NCALD: variants seen among roughly 807,000 people sequenced by gnomAD.
NCALD encodes neurocalcin delta.
NCALD carries 10 observed loss-of-function variants against 18.6 expected under a neutral mutation model. The observed-to-expected ratio is 0.54, with a 90% CI of 0.33 to 0.91. The LOEUF is 0.91. NCALD is among the 40% of genes least tolerant of loss of function. The pLI, the probability that NCALD is intolerant of heterozygous loss-of-function variation, is 0.03. For synonymous variants in NCALD, 88 were observed against 87.4 expected (o/e 1.01, Z -0.04); for missense variants, 184 against 247.6 (o/e 0.74, Z 1.72).
intron 1 of NCALD, among the ~76,000 whole-genome samples, chr8:102,047,451 G>A (rs778572115): frequency 6.6e-6 from 1 of 152,188 alleles, no homozygotes; most frequent in Non-Finnish European, 1.5e-5. Context: ...TTCACCGCCT[G>A]GTATGGTAGC....
chr8:101,700,028 T>TTTTTTTTA (rs560790827), intron 2 of NCALD, among the ~76,000 whole-genome samples: 2 of 149,872 alleles, frequency 1.3e-5, no homozygotes, highest in East Asian at 4.0e-4. Flanking sequence ...TGCTCTCTAT[T>TTTTTTTTA]TTTATTTATT....
intron 4 of NCALD, among the ~76,000 whole-genome samples, chr8:101,841,617 T>C (rs1396949289): frequency 6.6e-6 from 1 of 152,202 alleles, no homozygotes; most frequent in Non-Finnish European, 1.5e-5. Context: ...CTGATAACCA[T>C]TGTTCTTACA....
chr8:101,822,728 A>G (rs527808683), intron 4 of NCALD, among the ~76,000 whole-genome samples: 2 of 152,298 alleles, frequency 1.3e-5, no homozygotes, highest in African/African-American at 4.8e-5. Flanking sequence ...CAGAAACAGG[A>G]GGTTCCAAAA....
chr8:101,823,660 G>T (rs1813812856), intron 4 of NCALD, among the ~76,000 whole-genome samples: 1 of 152,056 alleles, frequency 6.6e-6, no homozygotes, highest in Admixed American at 6.6e-5. Flanking sequence ...CAGGTCTGAT[G>T]AGCTCTCAAA....
Position 102,020,574 on chromosome 8 carries a change from G to A in NCALD, c.-209-285C>T, listed in dbSNP as rs188837187. On this transcript the variant is annotated intron_variant, in intron 1 of 6. Coordinates refer to the NCALD transcript ENST00000311028. Reference sequence around the variant, plus strand: ...TCCCTTGTATCATTTGCTATTGTCCGCTTATCCCACTTCAATCCCACTAAT... The same window carrying A: ...TCCCTTGTATCATTTGCTATTGTCCACTTATCCCACTTCAATCCCACTAAT... 4.3e-3 allele frequency among the ~76,000 whole-genome samples: 659 copies of A among 152,208 alleles called. 7 individuals carry two copies. The highest frequency in any genetic ancestry group is 0.015 in the African/African-American group (623 of 41,522).
intron 4 of NCALD, among the ~76,000 whole-genome samples, chr8:101,803,448 C>T (rs1343718764): frequency 1.3e-5 from 2 of 152,212 alleles, no homozygotes; most frequent in African/African-American, 4.8e-5. Context: ...GGTAACACAA[C>T]ATCCATTCTG....
intron 2 of NCALD, among the ~76,000 whole-genome samples, chr8:101,953,419 C>G (rs1387954146): frequency 6.6e-6 from 1 of 152,198 alleles, no homozygotes; most frequent in African/African-American, 2.4e-5. Context: ...TCTCTTGCCT[C>G]CAATCTGGAG....
At chr8:101,731,583 C>T (rs1406964932) in intron 1 of NCALD, among the ~76,000 whole-genome samples, 2 of 152,130 alleles carry the variant, frequency 1.3e-5, no homozygotes, top group South Asian at 2.1e-4. Flanking sequence ...ATTTGCTATT[C>T]GAGAGCTTAG....
chr8:101,859,086 A>G (rs1472343823), intron 4 of NCALD, among the ~76,000 whole-genome samples: 5 of 152,152 alleles, frequency 3.3e-5, no homozygotes, highest in South Asian at 2.1e-4. Context: ...CCCACCCTCA[A>G]TCTGGGTGGG....
At chr8:101,823,319 G>A (rs1013551447) in intron 4 of NCALD, among the ~76,000 whole-genome samples, 3 of 152,120 alleles carry the variant, frequency 2.0e-5, no homozygotes, top group Non-Finnish European at 4.4e-5. Context: ...TGAAAAACTA[G>A]GTCCTGGAAC....
chr8:101,868,400 G>A (rs1399116414), intron 4 of NCALD, among the ~76,000 whole-genome samples: 1 of 152,138 alleles, frequency 6.6e-6, no homozygotes, highest in African/African-American at 2.4e-5. Flanking sequence ...TCGGAAGGCA[G>A]GACACCTAAG....
intron 4 of NCALD, among the ~76,000 whole-genome samples, chr8:101,865,918 A>C (rs191450065): frequency 1.1e-3 from 170 of 152,282 alleles, no homozygotes; most frequent in African/African-American, 4.0e-3. Flanking sequence ...GTTCTATAAT[A>C]ATCTTAGGTC....
intron 1 of NCALD, among the ~76,000 whole-genome samples, chr8:102,071,599 A>G (rs1266571975): frequency 6.6e-6 from 1 of 152,224 alleles, no homozygotes; most frequent in African/African-American, 2.4e-5. Context: ...TATCTAGCAA[A>G]TCTGAAGAAA....
intron 4 of NCALD, among the ~76,000 whole-genome samples, chr8:101,853,097 T>C (rs1815164654): frequency 1.3e-5 from 2 of 152,266 alleles, no homozygotes; most frequent in South Asian, 4.1e-4. Flanking sequence ...TTCACTTCTC[T>C]TTGCTTCACT....
intron 2 of NCALD, among the ~76,000 whole-genome samples, chr8:101,703,293 CTTACT>C (rs558127102): frequency 6.6e-6 from 1 of 152,118 alleles, no homozygotes; most frequent in Non-Finnish European, 1.5e-5. Context: ...GAGTCTAACA[CTTACT>C]TTATTCAACA....
rs112012531 is a variant in NCALD, at chr8:101,801,474, A to T, written c.-19-81826T>A. 5.7e-3 allele frequency among the ~76,000 whole-genome samples: 860 copies of T among 152,038 alleles called. 10 individuals carry two copies. Among genetic ancestry groups the T allele is most frequent in the African/African-American group, 0.018 (755 of 41,468 alleles). ...GCTGGGCCACAAGTAAGGTCTTGAC[A>T]CATTATAAATGACTGAAATCACAGA... is the stretch of plus-strand genomic sequence containing the variant. On this transcript the variant is annotated intron_variant, in intron 4 of 6. Coordinates refer to the NCALD transcript ENST00000311028.
chr8:102,018,028 C>T (rs187396769), intron 2 of NCALD, among the ~76,000 whole-genome samples: 64 of 152,164 alleles, frequency 4.2e-4, no homozygotes, highest in African/African-American at 1.5e-3. Context: ...ATTAAAGCTA[C>T]GATGAGATAA....
chr8:101,979,403 C>T (rs943218286), intron 2 of NCALD, among the ~76,000 whole-genome samples: 2 of 152,136 alleles, frequency 1.3e-5, no homozygotes, highest in African/African-American at 4.8e-5. Flanking sequence ...AGACAACGTT[C>T]CTACTCTTAG....
At chr8:101,925,106 G>A (rs955153725) in intron 2 of NCALD, among the ~76,000 whole-genome samples, 1 of 152,082 alleles carries the variant, frequency 6.6e-6, no homozygotes, top group Non-Finnish European at 1.5e-5. Context: ...TTCCAGAGAA[G>A]AGAGATTGGC....
Sources: allele counts gnomAD v4.1 joint callset (sites outside exome capture counted in the v4.1 genomes callset), GRCh38; gene constraint gnomAD v4.1.1; transcripts MANE v1.5; gene names NCBI Gene and HGNC (gene_info 2026-07-23, HGNC 2026-07-21).